RAD51B: variants seen among roughly 807,000 people sequenced by gnomAD.
The protein encoded by RAD51B is RAD51 paralog B, also known as DNA repair protein RAD51 homolog 2.
In RAD51B, 38 loss-of-function variants were observed where a neutral mutation model predicts 42.2. That is an observed-to-expected ratio of 0.90 (90% CI 0.70 to 1.18). The LOEUF is 1.18. Ranked by LOEUF, RAD51B falls within the 50% of genes most tolerant of loss-of-function variation. The pLI is 0.00. For missense variants in RAD51B, 373 were observed against 400.7 expected (o/e 0.93, Z 0.59); for synonymous variants, 154 against 145.2 (o/e 1.06, Z -0.43).
intron 7 of RAD51B, among the ~76,000 whole-genome samples, chr14:68,132,492 T>C (rs911499151): frequency 1.3e-5 from 2 of 152,220 alleles, no homozygotes; most frequent in Non-Finnish European, 2.9e-5. Flanking sequence ...TTGTGAGTTA[T>C]GGACTTCTTA....
intron 4 of RAD51B, among the ~76,000 whole-genome samples, chr14:67,836,438 A>G (rs2041244196): frequency 6.6e-6 from 1 of 152,036 alleles, no homozygotes; most frequent in Non-Finnish European, 1.5e-5. Flanking sequence ...TCGTCATTAG[A>G]AGTGAGTCAT....
At chr14:68,427,413 C>T (rs986014447) in intron 9 of RAD51B, among the ~76,000 whole-genome samples, 6 of 152,178 alleles carry the variant, frequency 3.9e-5, no homozygotes, top group Non-Finnish European at 7.3e-5. Context: ...GTTGGAGCTT[C>T]CCAAGGTCTT....
intron 7 of RAD51B, among the ~76,000 whole-genome samples, chr14:68,087,135 CAAAA>C (rs1347014384): frequency 2.4e-5 from 3 of 124,282 alleles, no homozygotes; most frequent in South Asian, 5.0e-4. Flanking sequence ...AACGCCATCT[CAAAA>C]AAAAAAAAAA....
intron 9 of RAD51B, among the ~76,000 whole-genome samples, chr14:68,425,203 T>A (rs2084803569): frequency 6.6e-6 from 1 of 152,224 alleles, no homozygotes; most frequent in African/African-American, 2.4e-5. Context: ...ATAAGTTGGA[T>A]GAGTGACTGC....
At chr14:68,029,416 G>T (rs539720423) in intron 7 of RAD51B, among the ~76,000 whole-genome samples, 6 of 152,032 alleles carry the variant, frequency 3.9e-5, no homozygotes, top group Non-Finnish European at 7.4e-5. Context: ...CAGCTTCTTC[G>T]CCAGGAGTAG....
intron 7 of RAD51B, among the ~76,000 whole-genome samples, chr14:68,213,601 C>A (rs983225386): frequency 7.9e-5 from 12 of 152,102 alleles, no homozygotes; most frequent in African/African-American, 2.9e-4. Context: ...CAATGTGATT[C>A]AATACTAACG....
chr14:67,843,885 T>C lies in RAD51B; in HGVS notation c.315+8689T>C, dbSNP rs142418741. On this transcript the variant is annotated intron_variant, in intron 4 of 10. Transcript: ENST00000471583. Reference sequence around the variant, plus strand: ...CTGATTTTGGTTATTTCTTATCTTCTGCTAGCTTTGGGGTTGGTTTGCTCT... The same window carrying C: ...CTGATTTTGGTTATTTCTTATCTTCCGCTAGCTTTGGGGTTGGTTTGCTCT... Among the ~76,000 whole-genome samples, 1,086 of 152,212 alleles carry C rather than the reference T, an allele frequency of 7.1e-3. 17 individuals carry two copies. Among genetic ancestry groups the C allele is most frequent in the African/African-American group, 0.025 (1,041 of 41,552 alleles).
chr14:68,502,271 T>A (rs1418646450), intron 10 of RAD51B, among the ~76,000 whole-genome samples: 2 of 152,228 alleles, frequency 1.3e-5, no homozygotes, highest in African/African-American at 4.8e-5. Context: ...ACAGACAGGC[T>A]GAACAGAACT....
At chr14:68,371,254 T>C (rs1010866402) in intron 8 of RAD51B, among the ~76,000 whole-genome samples, 2 of 149,294 alleles carry the variant, frequency 1.3e-5, no homozygotes, top group African/African-American at 2.5e-5. Context: ...TGTGGTGGCT[T>C]ACGCCTGTAA....
chr14:68,372,185 G>A (rs574708705), intron 8 of RAD51B, among the ~76,000 whole-genome samples: 21 of 152,278 alleles, frequency 1.4e-4, no homozygotes, highest in African/African-American at 5.1e-4. Flanking sequence ...GGATTTGGCA[G>A]ATACAATCAA....
At position 68,315,454 on chromosome 14, in the gene RAD51B, A is replaced by T. The variant is rs182049229; in HGVS notation, c.853+23474A>T. 3.9e-4 allele frequency among the ~76,000 whole-genome samples: 60 copies of T among 152,300 alleles called. No individual in the cohort carries two copies. In the East Asian group the frequency reaches 6.6e-3, roughly 17 times the overall value. ...ACAACAACATCATCATCATTTTAGT[A>T]TGTGTAAATAATAAGGTCTGCCAGC... On this transcript the variant is annotated intron_variant, in intron 8 of 10. Transcript: ENST00000471583.
intron 8 of RAD51B, among the ~76,000 whole-genome samples, chr14:68,377,457 C>G (rs1434315874): frequency 6.6e-6 from 1 of 152,226 alleles, no homozygotes; most frequent in Non-Finnish European, 1.5e-5. Context: ...ACTATTAAAA[C>G]TGCCAGTGTT....
At chr14:68,615,172 T>A (rs1891799768), downstream of RAD51B, among the ~76,000 whole-genome samples, 1 of 152,148 alleles carries the variant, frequency 6.6e-6, no homozygotes, top group Admixed American at 6.5e-5. Context: ...TTTACTGATT[T>A]TTCTGACTAT....
chr14:67,946,437 C>T (rs1212287462), intron 7 of RAD51B, among the ~76,000 whole-genome samples: 4 of 152,080 alleles, frequency 2.6e-5, no homozygotes, highest in East Asian at 1.9e-4. Flanking sequence ...GGTGCAATCT[C>T]GGCTCACTGC....
At chr14:67,883,336 A>C (rs1037752966) in intron 5 of RAD51B, among the ~76,000 whole-genome samples, 28 of 151,876 alleles carry the variant, frequency 1.8e-4, no homozygotes, top group Non-Finnish European at 3.2e-4. Context: ...AGCAAAAAAA[A>C]AAAAAACAAA....
At chr14:68,075,956 G>T (rs926778695) in intron 7 of RAD51B, among the ~76,000 whole-genome samples, 2 of 152,260 alleles carry the variant, frequency 1.3e-5, no homozygotes, top group African/African-American at 4.8e-5. Flanking sequence ...CCTGAGAGAT[G>T]CAGAGTTGCT....
At chr14:68,577,346 A>G (rs1334405396) in intron 10 of RAD51B, among the ~76,000 whole-genome samples, 8 of 152,284 alleles carry the variant, frequency 5.3e-5, no homozygotes, top group Non-Finnish European at 7.4e-5. Flanking sequence ...CTTGTCTACA[A>G]TTTTAATCAT....
At chr14:68,441,329 T>A (rs910883068) in intron 9 of RAD51B, among the ~76,000 whole-genome samples, 6 of 149,652 alleles carry the variant, frequency 4.0e-5, no homozygotes, top group Non-Finnish European at 5.9e-5. Context: ...GATCACGAGG[T>A]CAGGAGATCA....
At chr14:67,974,560 T>C (rs1166476870) in intron 7 of RAD51B, among the ~76,000 whole-genome samples, 1 of 152,144 alleles carries the variant, frequency 6.6e-6, no homozygotes, top group Non-Finnish European at 1.5e-5. Flanking sequence ...TTCAAAGCTT[T>C]TTCTTTTGTC....
Sources: gnomAD v4.1 joint callset for allele counts (sites outside exome capture counted in the v4.1 genomes callset) on GRCh38, gnomAD v4.1.1 for gene constraint, MANE v1.5 for transcripts, NCBI Gene and HGNC (gene_info 2026-07-23, HGNC 2026-07-21) for gene names.